The following TCERG1L variants were observed in gnomAD, a reference collection of about 807,000 sequenced individuals.
TCERG1L encodes transcription elongation regulator 1 like.
In TCERG1L, 37 loss-of-function variants were observed where a neutral mutation model predicts 56.3. The observed-to-expected ratio is 0.66, with a 90% CI of 0.51 to 0.87. TCERG1L has a LOEUF of 0.87. TCERG1L is among the 40% of genes least tolerant of loss of function. TCERG1L has a pLI of 0.00. For missense variants in TCERG1L, 799 were observed against 774.2 expected (o/e 1.03, Z -0.38); for synonymous variants, 324 against 326.3 (o/e 0.99, Z 0.08).
At position 131,267,050 on chromosome 10, in the gene TCERG1L, G is replaced by A. The variant is rs1462451826; in HGVS notation, c.671-6606C>T. Among the ~76,000 whole-genome samples the A allele has an allele frequency of 4.6e-5, 7 of 152,062 alleles. No individual in the cohort carries two copies. The highest frequency in any genetic ancestry group is 1.0e-4 in the Non-Finnish European group (7 of 67,990). On this transcript the variant is annotated intron_variant, in intron 3 of 11. Transcript: ENST00000368642. The surrounding 1 kb of genome is among the most constrained non-coding windows in gnomAD (Gnocchi z 4.9). Reference sequence around the variant, plus strand: ...TTCAGGTCCTCCCTGGCCTGAAGGTGCATCCTCATCTGGAACCCACTCCTT... The same window carrying A: ...TTCAGGTCCTCCCTGGCCTGAAGGTACATCCTCATCTGGAACCCACTCCTT...
Position 131,118,351 on chromosome 10 carries a change from G to A in TCERG1L, c.1260-1417C>T, listed in dbSNP as rs981864119. 6.6e-6 allele frequency among the ~76,000 whole-genome samples: 1 copy of A among 152,098 alleles called. No individual in the cohort carries two copies. The highest frequency in any genetic ancestry group is 1.9e-4 in the East Asian group (1 of 5,194). ...CTGGGATCTGGATTGTGAGTTTCTC[G>A]AACCGTAGTCTGGGCTTTCTGATTT... On this transcript the variant is annotated intron_variant, in intron 8 of 11. Coordinates refer to ENST00000368642, the MANE Select transcript of TCERG1L (RefSeq NM_174937.4). The surrounding 1 kb of genome is among the most constrained non-coding windows in gnomAD (Gnocchi z 4.2).
chr10:131,159,303 G>T (rs1845953791), intron 6 of TCERG1L, among the ~76,000 whole-genome samples: 1 of 152,190 alleles, frequency 6.6e-6, no homozygotes. Flanking sequence ...GACCAAGGAG[G>T]TCGTCTATTT....
chr10:131,285,833 C>T (rs940456686), intron 3 of TCERG1L, among the ~76,000 whole-genome samples: 1 of 151,944 alleles, frequency 6.6e-6, no homozygotes, highest in African/African-American at 2.4e-5. Flanking sequence ...AAAATTCATC[C>T]CTAAAATATT....
At chr10:131,169,563 A>G (rs933356776) in intron 4 of TCERG1L, among the ~76,000 whole-genome samples, 1 of 152,190 alleles carries the variant, frequency 6.6e-6, no homozygotes, top group Non-Finnish European at 1.5e-5. Flanking sequence ...TTTACTACCT[A>G]AGAATGAGCC....
chr10:131,093,049 G>A lies in TCERG1L; in HGVS notation c.*113C>T, dbSNP rs991573495. 19 of 1,117,530 alleles carry A rather than the reference G, an allele frequency of 1.7e-5. No individual in the cohort carries two copies. Among genetic ancestry groups the A allele is most frequent in the South Asian group, 3.1e-5 (2 of 64,866 alleles). The allele number at this position is 1,117,530 out of a possible 1,614,324, so 69.2% of individuals were successfully genotyped here. On this transcript the variant is annotated 3_prime_UTR_variant, in exon 12 of 12. Transcript: ENST00000368642. ...CGAAGACCCCGCAGTGCCGGTGCCC[G>A]CTGGGCCGTGCAGGTCTCGGCCGCC...
chr10:131,222,177 C>G (rs563454389), intron 4 of TCERG1L, among the ~76,000 whole-genome samples: 1 of 152,354 alleles, frequency 6.6e-6, no homozygotes, highest in East Asian at 1.9e-4. Flanking sequence ...GGCCGCTTCT[C>G]CGCGGCATGC....
At chr10:131,276,690 C>T (rs1381383779) in intron 3 of TCERG1L, among the ~76,000 whole-genome samples, 4 of 151,442 alleles carry the variant, frequency 2.6e-5, no homozygotes, top group Non-Finnish European at 5.9e-5. Flanking sequence ...AATGCCTCAT[C>T]AAGATACCAA....
chr10:131,298,238 T>G (rs1846719987), intron 3 of TCERG1L, among the ~76,000 whole-genome samples: 1 of 152,108 alleles, frequency 6.6e-6, no homozygotes, highest in African/African-American at 2.4e-5. Context: ...GATTTTGATT[T>G]TCTTTTATTT....
chr10:131,208,426 G>A (rs1485169842), intron 4 of TCERG1L, among the ~76,000 whole-genome samples: 1 of 152,206 alleles, frequency 6.6e-6, no homozygotes, highest in Non-Finnish European at 1.5e-5. Context: ...TGTGAACGAT[G>A]GTGAGCTCCG....
At chr10:131,096,938 G>A (rs1375639835) in intron 11 of TCERG1L, among the ~76,000 whole-genome samples, 2 of 150,814 alleles carry the variant, frequency 1.3e-5, no homozygotes, top group African/African-American at 4.9e-5. Flanking sequence ...GGTGTCTCAC[G>A]CCTGTAATCC....
intron 6 of TCERG1L, among the ~76,000 whole-genome samples, chr10:131,160,545 T>C (rs1845965943): frequency 6.6e-6 from 1 of 152,236 alleles, no homozygotes; most frequent in South Asian, 2.1e-4. Flanking sequence ...GCTTAGCTGC[T>C]CCACTCTCAG....
chr10:131,271,736 G>A (rs967077533), intron 3 of TCERG1L, among the ~76,000 whole-genome samples: 2 of 152,218 alleles, frequency 1.3e-5, no homozygotes, highest in African/African-American at 4.8e-5. Context: ...AGGCCTGGAG[G>A]CCTCCCCGAG....
At chr10:131,222,457 A>G (rs749979813) in intron 4 of TCERG1L, among the ~76,000 whole-genome samples, 1 of 152,234 alleles carries the variant, frequency 6.6e-6, no homozygotes, top group Non-Finnish European at 1.5e-5. Flanking sequence ...CTATTGGCAG[A>G]TGTGAAACTC....
chr10:131,244,576 C>T (rs964982697), intron 4 of TCERG1L, among the ~76,000 whole-genome samples: 2 of 152,254 alleles, frequency 1.3e-5, no homozygotes, highest in African/African-American at 4.8e-5. Context: ...CCAGAGTACA[C>T]AGCAGTGAGC....
At position 131,209,415 on chromosome 10, in the gene TCERG1L, C is replaced by G. The variant is rs140971982; in HGVS notation, c.857-42530G>C. Among the ~76,000 whole-genome samples, 95 of 152,262 alleles carry G rather than the reference C, an allele frequency of 6.2e-4. No individual in the cohort carries two copies. The East Asian group carries it at 8.9e-3, about 14-fold the overall frequency. On this transcript the variant is annotated intron_variant, in intron 4 of 11. Transcript: ENST00000368642. ...GTGTAGCAGTAAGGGGAAGTGGATACCTGTATACTGTAATTATGATTTAAA... is the reference window on the plus strand; with the variant it reads ...GTGTAGCAGTAAGGGGAAGTGGATAGCTGTATACTGTAATTATGATTTAAA...
At chr10:131,204,040 T>C (rs545890516) in intron 4 of TCERG1L, among the ~76,000 whole-genome samples, 2 of 152,298 alleles carry the variant, frequency 1.3e-5, no homozygotes, top group Non-Finnish European at 1.5e-5. Flanking sequence ...AGAGCCCTCA[T>C]GGATGGAATG....
intron 6 of TCERG1L, 32 bp from the exon 7 acceptor site, chr10:131,146,692 T>C (rs967892309): frequency 2.6e-5 from 41 of 1,585,772 alleles, no homozygotes; most frequent in Non-Finnish European, 3.2e-5. Flanking sequence ...TCTCAGTCGC[T>C]CTCGGAGACA....
At position 131,298,497 on chromosome 10, in the gene TCERG1L, T is replaced by C. The variant is rs1253499105; in HGVS notation, c.670+9714A>G. Among the ~76,000 whole-genome samples, 3 of 152,144 alleles carry C rather than the reference T, an allele frequency of 2.0e-5. No individual in the cohort carries two copies. The East Asian group carries it at 5.8e-4, about 29-fold the overall frequency. ...GGCATGATCTCGGCTAAGTGCAACC[T>C]CCACCTCCTGGTTTCCAGTGATTCT... On this transcript the variant is annotated intron_variant, in intron 3 of 11. Coordinates refer to ENST00000368642, the MANE Select transcript of TCERG1L (RefSeq NM_174937.4).
intron 8 of TCERG1L, among the ~76,000 whole-genome samples, chr10:131,129,106 G>A (rs1666807654): frequency 6.6e-6 from 1 of 152,100 alleles, no homozygotes; most frequent in African/African-American, 2.4e-5. Context: ...AATGAAGCGT[G>A]AAAGGGAAAA....
Sources: allele counts gnomAD v4.1 joint callset (sites outside exome capture counted in the v4.1 genomes callset), GRCh38; gene constraint gnomAD v4.1.1; non-coding constraint Gnocchi (gnomAD v3.1); transcripts MANE v1.5; gene names NCBI Gene and HGNC (gene_info 2026-07-23, HGNC 2026-07-21).